WDFY4: variants seen among roughly 807,000 people sequenced by gnomAD.
WDFY4 encodes the protein WDFY family member 4, also known as WD repeat- and FYVE domain-containing protein 4.
Under a neutral mutation model 351.9 loss-of-function variants are expected in WDFY4, and 169 were observed. That is an observed-to-expected ratio of 0.48 (90% CI 0.42 to 0.55). WDFY4 has a LOEUF of 0.55. WDFY4 is among the 20% of genes least tolerant of loss of function. WDFY4 has a pLI of 0.00. For missense variants in WDFY4, 3,803 were observed against 3,935.6 expected (o/e 0.97, Z 0.90); for synonymous variants, 1,622 against 1,574.6 (o/e 1.03, Z -0.71).
intron 39 of WDFY4, among the ~76,000 whole-genome samples, chr10:48,858,420 T>C (rs188726586): frequency 6.6e-6 from 1 of 152,358 alleles, no homozygotes; most frequent in Admixed American, 6.5e-5. Flanking sequence ...GGTTCATTTT[T>C]TGGGCAATGG....
At chr10:48,719,925 G>A (rs2064025229) in intron 2 of WDFY4, 86 bp from the exon 3 acceptor site, 1 of 1,234,160 alleles carries the variant, frequency 8.1e-7, no homozygotes, top group Admixed American at 2.0e-5. Flanking sequence ...TGTCAGCTTG[G>A]GCTGGTGAAG....
chr10:48,871,971 T>G (rs12267721), intron 40 of WDFY4, among the ~76,000 whole-genome samples: 3,720 of 152,312 alleles, frequency 0.024, 157 homozygotes, highest in African/African-American at 0.084. Context: ...CATTTAATCA[T>G]TCTAGAAGCC....
chr10:48,748,172 C>G (rs2065069876), intron 12 of WDFY4, among the ~76,000 whole-genome samples: 1 of 152,180 alleles, frequency 6.6e-6, no homozygotes, highest in Non-Finnish European at 1.5e-5. Flanking sequence ...TCTGCCAGCT[C>G]TCAGGGGCAG....
At chr10:48,694,922 C>T (rs781722582) in intron 1 of WDFY4, among the ~76,000 whole-genome samples, 3 of 152,174 alleles carry the variant, frequency 2.0e-5, no homozygotes, top group Non-Finnish European at 4.4e-5. Context: ...CACCACCACC[C>T]TGCCCAATGA....
intron 61 of WDFY4, 71 bp from the exon 62 acceptor site, chr10:48,982,438 T>C: frequency 7.4e-7 from 1 of 1,346,704 alleles, no homozygotes; most frequent in Non-Finnish European, 9.9e-7. Context: ...AGAGTTGCAA[T>C]ATCCCATGTG....
chr10:48,835,202 G>A (rs2068342816), intron 39 of WDFY4, among the ~76,000 whole-genome samples: 1 of 152,164 alleles, frequency 6.6e-6, no homozygotes, highest in Non-Finnish European at 1.5e-5. Context: ...TAGACAATAA[G>A]CAAATACAGT....
At chr10:48,729,312 C>A (rs2132325976) in intron 7 of WDFY4, 120 bp from the exon 8 acceptor site, 4 of 1,431,148 alleles carry the variant, frequency 2.8e-6, no homozygotes, top group East Asian at 2.5e-5. Flanking sequence ...CAGGTGCAGA[C>A]CTGTGGGGTC....
chr10:48,833,418 T>C (rs11101531), intron 39 of WDFY4, among the ~76,000 whole-genome samples: 66,514 of 151,764 alleles, frequency 0.44, 15,451 homozygotes, highest in East Asian at 0.83. Context: ...TACAGCATGG[T>C]AGCAGGGTTT....
At chr10:48,771,437 G>A (rs1481999969) in intron 13 of WDFY4, among the ~76,000 whole-genome samples, 1 of 152,170 alleles carries the variant, frequency 6.6e-6, no homozygotes, top group African/African-American at 2.4e-5. Flanking sequence ...TGTAAAACGG[G>A]TATGATAATT....
intron 13 of WDFY4, among the ~76,000 whole-genome samples, chr10:48,770,440 C>T (rs2065824588): frequency 6.6e-6 from 1 of 152,162 alleles, no homozygotes; most frequent in African/African-American, 2.4e-5. Context: ...TTGAATAATA[C>T]ATTGTGATGT....
chr10:48,776,862 A>G lies in WDFY4; in HGVS notation c.2976A>G (p.Ser992=), dbSNP rs1417905562. The G allele has an allele frequency of 2.4e-5, 37 of 1,551,712 alleles. No homozygotes were observed. Among genetic ancestry groups the G allele is most frequent in the Non-Finnish European group, 3.1e-5 (35 of 1,147,036 alleles). The change falls in exon 16 of 62, where the codon TCA becomes TCG. Residue 992 remains serine (S), a synonymous_variant. Coordinates refer to ENST00000325239, the MANE Select transcript of WDFY4 (RefSeq NM_001394531.1). The part of the protein sequence containing the change: ...APQPLGESQD[S]TTALQTALSL... Reference sequence around the variant, plus strand: ...AGCCCTTGGGGGAATCCCAGGATTCAACTACTGCTCTTCAGACGGCGCTGA... The same window carrying G: ...AGCCCTTGGGGGAATCCCAGGATTCGACTACTGCTCTTCAGACGGCGCTGA...
chr10:48,808,913 G>T (rs149841467), intron 28 of WDFY4, among the ~76,000 whole-genome samples: 2,325 of 152,260 alleles, frequency 0.015, 33 homozygotes, highest in Non-Finnish European at 0.024. Flanking sequence ...CTACTCATCT[G>T]CATGAGAATA....
At chr10:48,814,183 C>T (rs1158714996) in intron 31 of WDFY4, 101 bp downstream of exon 31, 2 of 1,389,964 alleles carry the variant, frequency 1.4e-6, no homozygotes, top group South Asian at 1.6e-5. Flanking sequence ...CCCACTAATG[C>T]AAGTAATTAG....
At chr10:48,945,489 C>T (rs551782135) in intron 49 of WDFY4, among the ~76,000 whole-genome samples, 1 of 152,140 alleles carries the variant, frequency 6.6e-6, no homozygotes, top group African/African-American at 2.4e-5. Flanking sequence ...AAAAAGTTTC[C>T]CAGAGCACCT....
chr10:48,865,780 G>T (rs567848579), intron 39 of WDFY4, among the ~76,000 whole-genome samples: 1 of 152,178 alleles, frequency 6.6e-6, no homozygotes, highest in Admixed American at 6.5e-5. Context: ...TATTCCAATT[G>T]TCCATTTCTT....
intron 1 of WDFY4, among the ~76,000 whole-genome samples, chr10:48,693,165 C>A (rs2132096679): frequency 6.6e-6 from 1 of 152,312 alleles, no homozygotes; most frequent in East Asian, 1.9e-4. Flanking sequence ...ATCAGGGCCA[C>A]AAGCTTGGGA....
At chr10:48,819,896 G>A (rs188728685) in intron 32 of WDFY4, among the ~76,000 whole-genome samples, 1 of 152,274 alleles carries the variant, frequency 6.6e-6, no homozygotes, top group African/African-American at 2.4e-5. Context: ...GTGTCAGATG[G>A]TTTTTATTGT....
In WDFY4 at chr10:48,778,699, C is replaced by A; in HGVS notation, c.3264C>A (p.His1088Gln). ...GGCATGGAGCTGCCACTGAGGGCCA[C>A]CCGCTGCGCTTCCTGACGTTGGTGC... is the stretch of plus-strand genomic sequence containing the variant. Reference protein sequence around the residue: ...ISRHGAATEGHPLRFLTLVRH... With the variant: ...ISRHGAATEGQPLRFLTLVRH... The change falls in exon 18 of 62, where the codon CAC (histidine) becomes CAA (glutamine). Residue 1088 changes from histidine to glutamine, a missense_variant. Around this residue, in one of 3 missense-constraint regions of WDFY4, gnomAD observed 3,054 missense variants for 3,148.6 expected, o/e 0.97. Coordinates refer to ENST00000325239, the MANE Select transcript of WDFY4 (RefSeq NM_001394531.1). 6.4e-7 allele frequency: 1 copy of A among 1,551,718 alleles called. No individual in the cohort carries two copies. Among genetic ancestry groups the A allele is most frequent in the Non-Finnish European group, 8.7e-7 (1 of 1,147,018 alleles).
intron 11 of WDFY4, among the ~76,000 whole-genome samples, chr10:48,740,774 T>C (rs538722248): frequency 5.3e-4 from 80 of 152,312 alleles, no homozygotes; most frequent in African/African-American, 1.9e-3. Context: ...ACTGCCCCCT[T>C]TAGTGGGTGG....
Sources: allele counts gnomAD v4.1 joint callset (sites outside exome capture counted in the v4.1 genomes callset), GRCh38; gene constraint gnomAD v4.1.1; regional missense constraint gnomAD v4.1.1; transcripts MANE v1.5; gene names NCBI Gene and HGNC (gene_info 2026-07-23, HGNC 2026-07-21).